DLG2: variants seen among roughly 807,000 people sequenced by gnomAD.
DLG2 encodes disks large homolog 2.
A neutral mutation model predicts 132.5 loss-of-function variants in DLG2; 45 were observed. The ratio of observed to expected loss-of-function variants is 0.34; its 90% confidence interval spans 0.27 to 0.44. The LOEUF (loss-of-function observed/expected upper bound fraction) is 0.44, where lower values mean the gene tolerates loss of function less well. Ranked by LOEUF, DLG2 falls within the 20% of genes least tolerant of loss-of-function variation. The pLI, the probability that DLG2 is intolerant of heterozygous loss-of-function variation, is 1.00. For missense variants in DLG2, 1,045 were observed against 1,196.9 expected (o/e 0.87, Z 1.87); for synonymous variants, 424 against 419.6 (o/e 1.01, Z -0.13).
At chr11:85,132,693 G>A in intron 5 of DLG2, 1 of 456,444 alleles carries the variant, frequency 2.2e-6, no homozygotes, top group East Asian at 7.0e-5. Context: ...GCACCTACTA[G>A]AACTGTTTAA....
At chr11:85,296,380 C>G (rs1476118920) in intron 3 of DLG2, among the ~76,000 whole-genome samples, 1 of 151,460 alleles carries the variant, frequency 6.6e-6, no homozygotes, top group African/African-American at 2.4e-5. Context: ...ATGTAAAATA[C>G]AACATCCCTC....
intron 7 of DLG2, among the ~76,000 whole-genome samples, chr11:84,467,019 T>G (rs976148945): frequency 2.0e-5 from 3 of 151,228 alleles, no homozygotes; most frequent in Non-Finnish European, 4.4e-5. Context: ...TTCCTATCTT[T>G]GCTCACTAAA....
At position 83,715,073 on chromosome 11, in the gene DLG2, T is replaced by C. The variant is rs146998890; in HGVS notation, c.1825+71617A>G. On this transcript the variant is annotated intron_variant, in intron 18 of 27. Transcript: ENST00000376104. ...GGCACATATACACCATGGAATACTATGCAGCCATAAAAAAAGGATGAGTTC... is the reference window on the plus strand; with the variant it reads ...GGCACATATACACCATGGAATACTACGCAGCCATAAAAAAAGGATGAGTTC... Among the ~76,000 whole-genome samples, 594 of 152,240 alleles carry C rather than the reference T, an allele frequency of 3.9e-3. 5 individuals are homozygous for C. The highest frequency in any genetic ancestry group is 0.014 in the African/African-American group (572 of 41,552).
chr11:84,509,824 T>C (rs972204006), intron 7 of DLG2, among the ~76,000 whole-genome samples: 1 of 151,950 alleles, frequency 6.6e-6, no homozygotes, highest in Non-Finnish European at 1.5e-5. Flanking sequence ...ATGAAAAATA[T>C]TGTGATTTCC....
intron 3 of DLG2, among the ~76,000 whole-genome samples, chr11:85,368,992 C>T (rs532638137): frequency 3.9e-5 from 6 of 152,264 alleles, no homozygotes; most frequent in South Asian, 4.1e-4. Context: ...TTTAGCTAAA[C>T]GAAGGAAAAG....
rs531443947 is a variant in DLG2 at position 85,442,440 on chromosome 11, G to A, written c.40+156217C>T. ...TGAGACTTGATGATAGATTAGACGC[G>A]GGGATGAAAAGAAAGTGGAATCAAA... On this transcript the variant is annotated intron_variant, in intron 3 of 27. Coordinates refer to ENST00000376104, the MANE Select transcript of DLG2 (RefSeq NM_001142699.3). Among the ~76,000 whole-genome samples, 7 of 152,254 alleles carry A rather than the reference G, an allele frequency of 4.6e-5. No homozygotes were observed. In the East Asian group the frequency reaches 5.8e-4, roughly 13 times the overall value.
chr11:85,403,505 T>TA (rs1289032429), intron 3 of DLG2, among the ~76,000 whole-genome samples: 2 of 150,878 alleles, frequency 1.3e-5, no homozygotes, highest in East Asian at 2.0e-4. Context: ...AAATTAAATT[T>TA]AAAAAAAAGA....
chr11:84,015,429 A>C (rs372861900), intron 11 of DLG2, among the ~76,000 whole-genome samples: 138 of 152,324 alleles, frequency 9.1e-4, no homozygotes, highest in African/African-American at 3.3e-3. Context: ...CAGGTTTGTT[A>C]CATAGGTAAC....
intron 6 of DLG2, among the ~76,000 whole-genome samples, chr11:85,060,329 A>T (rs990386952): frequency 2.0e-5 from 3 of 150,522 alleles, no homozygotes; most frequent in Non-Finnish European, 4.4e-5. Context: ...ACATAAGCAT[A>T]TTATATACAT....
intron 7 of DLG2, among the ~76,000 whole-genome samples, chr11:84,284,445 A>T (rs958082290): frequency 1.2e-4 from 18 of 152,228 alleles, no homozygotes; most frequent in Non-Finnish European, 2.6e-4. Context: ...CCTGCTTAAG[A>T]GACGCGAGTC....
chr11:83,492,115 G>A (rs747234062), intron 21 of DLG2, among the ~76,000 whole-genome samples: 7 of 152,144 alleles, frequency 4.6e-5, no homozygotes, highest in African/African-American at 1.4e-4. Context: ...TCTCTGGCCC[G>A]TTACAGAAAA....
intron 14 of DLG2, among the ~76,000 whole-genome samples, chr11:83,942,120 T>G (rs2082789826): frequency 6.6e-6 from 1 of 152,226 alleles, no homozygotes; most frequent in Non-Finnish European, 1.5e-5. Context: ...AATATTTATG[T>G]TCATTAGTGC....
At chr11:84,906,328 GA>G in intron 6 of DLG2, among the ~76,000 whole-genome samples, 1 of 149,794 alleles carries the variant, frequency 6.7e-6, no homozygotes, top group African/African-American at 2.4e-5. Flanking sequence ...GTGTGACAGG[GA>G]AAAAAGTACT....
At chr11:85,128,107 ATT>A (rs1300406477) in intron 5 of DLG2, among the ~76,000 whole-genome samples, 2 of 152,202 alleles carry the variant, frequency 1.3e-5, no homozygotes, top group Non-Finnish European at 2.9e-5. Flanking sequence ...TGCTATGTGA[ATT>A]TTATTATGTA....
chr11:83,462,033 C>A lies in DLG2; in HGVS notation c.2790G>T (p.Lys930Asn). Residue 930 changes from lysine to asparagine, a missense_variant, in exon 27 of 28, where the codon AAG (lysine) becomes AAT (asparagine). Physicochemically the swap from Lys to Asn is moderately conservative, Grantham distance 94. Coordinates refer to ENST00000376104, the MANE Select transcript of DLG2 (RefSeq NM_001142699.3). ...QAKKTYDRAIKLEQEFGEYFT... is the reference protein window; with the variant it reads ...QAKKTYDRAINLEQEFGEYFT... ...AATATTCTCCAAATTCTTGTTCTAG[C>A]TTAATTGCTCGATCATAGGTTTTCT... 6.2e-7 allele frequency: 1 copy of A among 1,613,288 alleles called. No homozygotes were observed. Among genetic ancestry groups the A allele is most frequent in the Non-Finnish European group, 8.5e-7 (1 of 1,179,264 alleles).
At chr11:85,013,046 T>C (rs775989311) in intron 6 of DLG2, among the ~76,000 whole-genome samples, 1 of 152,228 alleles carries the variant, frequency 6.6e-6, no homozygotes, top group Non-Finnish European at 1.5e-5. Flanking sequence ...TAATGTCATG[T>C]ACCTGCCTTC....
chr11:83,699,056 G>A (rs949433497), intron 18 of DLG2, among the ~76,000 whole-genome samples: 1 of 152,176 alleles, frequency 6.6e-6, no homozygotes, highest in African/African-American at 2.4e-5. Context: ...TTTGGGACCT[G>A]TGATCATGCC....
intron 8 of DLG2, among the ~76,000 whole-genome samples, chr11:84,204,362 T>G (rs2096638067): frequency 6.6e-6 from 1 of 152,210 alleles, no homozygotes. Flanking sequence ...AAATTTCTTA[T>G]ATGTGGCAGG....
chr11:84,336,695 C>T (rs2098486169), intron 7 of DLG2, among the ~76,000 whole-genome samples: 1 of 152,182 alleles, frequency 6.6e-6, no homozygotes, highest in African/African-American at 2.4e-5. Flanking sequence ...AGCATGGCTC[C>T]CCGGGAGCCA....
Sources: gnomAD v4.1 joint callset for allele counts (sites outside exome capture counted in the v4.1 genomes callset) on GRCh38, gnomAD v4.1.1 for gene constraint, MANE v1.5 for transcripts, NCBI Gene and HGNC (gene_info 2026-07-23, HGNC 2026-07-21) for gene names.